TIA1: variants seen among roughly 807,000 people sequenced by gnomAD.
TIA1 encodes the protein TIA1 cytotoxic granule associated RNA binding protein.
Under a neutral mutation model 65.9 loss-of-function variants are expected in TIA1, and 23 were observed. That is an observed-to-expected ratio of 0.35 (90% confidence interval 0.25 to 0.49). The LOEUF is 0.49. Among genes scored for constraint, TIA1 ranks in the 20% least tolerant of loss-of-function variants. The pLI, the probability that TIA1 is intolerant of heterozygous loss-of-function variation, is 0.98. For missense variants in TIA1, 371 were observed against 477.9 expected, an observed-to-expected ratio of 0.78 and a Z score of 2.09; for synonymous variants, 147 against 149.4, an observed-to-expected ratio of 0.98 and a Z score of 0.12.
At chr2:70,235,606 G>T (rs772326121) in intron 2 of TIA1, among the ~76,000 whole-genome samples, 8 of 150,482 alleles carry the variant, frequency 5.3e-5, no homozygotes, top group Non-Finnish European at 4.4e-5. Context: ...CTCATAAATA[G>T]GAATTGCCTA....
At position 70,242,818 on chromosome 2, in the gene TIA1, T is replaced by C. The variant is rs116088306; in HGVS notation, c.26+5587A>G. ...CATGCAAGGGATCTAGGTTGTGTGTTCCTTATGAGAATTTATCTAATGCCT... is the reference window on the plus strand; with the variant it reads ...CATGCAAGGGATCTAGGTTGTGTGTCCCTTATGAGAATTTATCTAATGCCT... On this transcript the variant is annotated intron_variant, in intron 1 of 12. Coordinates refer to ENST00000433529, the MANE Select transcript of TIA1 (RefSeq NM_022173.4). 9.9e-3 allele frequency among the ~76,000 whole-genome samples: 1,508 copies of C among 152,166 alleles called. 17 individuals carry two copies. The highest frequency in any genetic ancestry group is 0.034 in the African/African-American group (1,415 of 41,526).
chr2:70,247,946 C>T (rs1012758727), intron 1 of TIA1, among the ~76,000 whole-genome samples: 1 of 150,606 alleles, frequency 6.6e-6, no homozygotes, highest in African/African-American at 2.4e-5. Context: ...AATCTTATCA[C>T]CGAGAAGAAA....
At chr2:70,238,696 GT>G (rs943602396) in intron 1 of TIA1, among the ~76,000 whole-genome samples, 3 of 151,892 alleles carry the variant, frequency 2.0e-5, no homozygotes, top group Admixed American at 6.6e-5. Flanking sequence ...TTATGAGTTG[GT>G]TATCAATATA....
chr2:70,212,316 GT>G lies in TIA1; in HGVS notation c.*402del, dbSNP rs1211826079. 8.0e-3 allele frequency: 1,252 copies of G among 156,030 alleles called. 13 individuals carry two copies. Among genetic ancestry groups the G allele is most frequent in the African/African-American group, 0.025 (1,011 of 40,514 alleles). The allele number at this position is 156,030 out of a possible 1,614,324, so 9.7% of individuals were successfully genotyped here. The stretch of plus-strand genomic sequence containing the variant: ...AACTTCTAGACTCTGCACAGTTTTG[GT>G]TTTTTTTTTTAACATCTTTATATTA... On this transcript the variant is annotated 3_prime_UTR_variant, in exon 13 of 13. Transcript: ENST00000433529.
chr2:70,248,648 A>T (rs928567396), upstream of TIA1: 1 of 636,904 alleles, frequency 1.6e-6, no homozygotes. Context: ...GCCTAGGAGC[A>T]GCCAGCAAAG....
chr2:70,230,885 T>A (rs760412429), intron 2 of TIA1, 31 bp from the exon 3 acceptor site: 1 of 1,549,842 alleles, frequency 6.5e-7, no homozygotes, highest in East Asian at 2.3e-5. Context: ...AAGCCAATTT[T>A]AAGCTTTATT....
At chr2:70,242,189 T>A (rs1692118275) in intron 1 of TIA1, among the ~76,000 whole-genome samples, 1 of 152,046 alleles carries the variant, frequency 6.6e-6, no homozygotes, top group African/African-American at 2.4e-5. Flanking sequence ...CTGTACTATC[T>A]CTGCATCTCT....
At chr2:70,238,328 T>G (rs1309687214) in intron 1 of TIA1, among the ~76,000 whole-genome samples, 1 of 126,768 alleles carries the variant, frequency 7.9e-6, no homozygotes. Context: ...TGGAGTGCAG[T>G]GGTGCGATCT....
chr2:70,232,591 G>C (rs1322819065), intron 2 of TIA1, among the ~76,000 whole-genome samples: 1 of 147,630 alleles, frequency 6.8e-6, no homozygotes, highest in Non-Finnish European at 1.5e-5. Flanking sequence ...TCCCTTGGCC[G>C]GGCACAGTAG....
At chr2:70,248,332 A>G in intron 1 of TIA1, 73 bp downstream of exon 1, 1 of 1,518,680 alleles carries the variant, frequency 6.6e-7, no homozygotes, top group Non-Finnish European at 8.9e-7. Flanking sequence ...ATAGGCTGGG[A>G]GCGGCGCAGG....
rs116260402 is a variant in TIA1 at position 70,233,911 on chromosome 2, T to C, written c.123+2168A>G. On this transcript the variant is annotated intron_variant, in intron 2 of 12. Transcript: ENST00000433529. ...TATTATCAGTCCAGGGAGCATAAAA[T>C]TTATAAATGTGAACATTAGTCTCAG... Among the ~76,000 whole-genome samples, 994 of 152,238 alleles carry C rather than the reference T, an allele frequency of 6.5e-3. 12 individuals carry two copies. Among genetic ancestry groups the C allele is most frequent in the African/African-American group, 0.023 (951 of 41,546 alleles).
intron 6 of TIA1, chr2:70,225,541 C>T (rs1232795948): frequency 2.7e-6 from 2 of 742,102 alleles, no homozygotes; most frequent in African/African-American, 3.8e-5. Flanking sequence ...AATGCTTGCT[C>T]TCTCAGGACA....
intron 1 of TIA1, among the ~76,000 whole-genome samples, chr2:70,244,024 G>A (rs372904863): frequency 3.9e-5 from 6 of 152,238 alleles, no homozygotes; most frequent in East Asian, 3.9e-4. Context: ...ATAAGGATCC[G>A]TATGATCTGG....
intron 7 of TIA1, 107 bp downstream of exon 7, chr2:70,224,447 A>C: frequency 3.4e-6 from 5 of 1,465,388 alleles, no homozygotes; most frequent in South Asian, 1.2e-5. Context: ...GTTTATTTTA[A>C]TCATCAGTAA....
chr2:70,220,262 G>T (rs1293879349), intron 7 of TIA1, among the ~76,000 whole-genome samples: 1 of 152,042 alleles, frequency 6.6e-6, no homozygotes, highest in Admixed American at 6.6e-5. Flanking sequence ...AGAAAAATTA[G>T]CTGGGCATGG....
At chr2:70,217,391 C>T (rs776774112) in intron 7 of TIA1, among the ~76,000 whole-genome samples, 10 of 139,870 alleles carry the variant, frequency 7.1e-5, no homozygotes, top group Admixed American at 1.4e-4. Flanking sequence ...AGGCTGGTCT[C>T]GAACTTCTTC....
At chr2:70,217,097 T>C in intron 7 of TIA1, 103 bp from the exon 8 acceptor site, 1 of 1,193,152 alleles carries the variant, frequency 8.4e-7, no homozygotes, top group Non-Finnish European at 1.1e-6. Context: ...AATGTTTAAG[T>C]GAAAATGCTC....
chr2:70,230,734 T>C, intron 3 of TIA1, 22 bp downstream of exon 3: 2 of 1,548,896 alleles, frequency 1.3e-6, no homozygotes, highest in Admixed American at 2.1e-5. Flanking sequence ...GCAAGTCACC[T>C]TCTTTAATTA....
intron 7 of TIA1, among the ~76,000 whole-genome samples, chr2:70,218,523 C>T (rs1015087584): frequency 6.6e-6 from 1 of 152,206 alleles, no homozygotes; most frequent in African/African-American, 2.4e-5. Context: ...GCTCCGCCTC[C>T]TGGGTTCCTG....
Sources: allele counts gnomAD v4.1 joint callset (sites outside exome capture counted in the v4.1 genomes callset), GRCh38; gene constraint gnomAD v4.1.1; transcripts MANE v1.5; gene names NCBI Gene and HGNC (gene_info 2026-07-23, HGNC 2026-07-21).